The following NELL1 variants were observed in gnomAD, a reference collection of about 807,000 sequenced individuals.
The protein encoded by NELL1 is neural EGFL like 1, also known as protein kinase C-binding protein NELL1.
In NELL1, 76 loss-of-function variants were observed where a neutral mutation model predicts 107.4. The ratio of observed to expected loss-of-function variants is 0.71; its 90% confidence interval spans 0.59 to 0.86. NELL1 has a LOEUF of 0.86. Ranked by LOEUF, NELL1 falls within the 40% of genes least tolerant of loss-of-function variation. NELL1 has a pLI of 0.00. For synonymous variants in NELL1, 353 were observed against 341.2 expected, an observed-to-expected ratio of 1.03 and a Z score of -0.38; for missense variants, 1,024 against 1,005.5, an observed-to-expected ratio of 1.02 and a Z score of -0.25.
intron 6 of NELL1, 69 bp downstream of exon 6, chr11:20,918,323 G>A: frequency 3.0e-6 from 3 of 984,088 alleles, no homozygotes; most frequent in Non-Finnish European, 4.8e-6. Context: ...AACACATCTG[G>A]AAAGATAGAC....
At chr11:20,784,958 T>C (rs1226437299) in intron 3 of NELL1, among the ~76,000 whole-genome samples, 2 of 152,206 alleles carry the variant, frequency 1.3e-5, no homozygotes, top group Non-Finnish European at 2.9e-5. Flanking sequence ...AATTTCAAAA[T>C]TACATAAATG....
chr11:20,879,692 C>G (rs1849371730), intron 4 of NELL1, among the ~76,000 whole-genome samples: 1 of 152,036 alleles, frequency 6.6e-6, no homozygotes, highest in African/African-American at 2.4e-5. Flanking sequence ...TATTTCCAAT[C>G]TTATGTGAGT....
chr11:21,117,305 C>A (rs1312869823), intron 13 of NELL1, among the ~76,000 whole-genome samples: 4 of 151,936 alleles, frequency 2.6e-5, no homozygotes, highest in African/African-American at 9.7e-5. Context: ...ATAAATGATT[C>A]TTTTATCTGT....
At chr11:20,689,760 C>T (rs1307478851) in intron 2 of NELL1, among the ~76,000 whole-genome samples, 2 of 151,452 alleles carry the variant, frequency 1.3e-5, no homozygotes, top group Non-Finnish European at 2.9e-5. Flanking sequence ...GTGCGTGTGT[C>T]TTTATAGCAG....
chr11:21,093,770 A>T (rs1854575661), intron 12 of NELL1, among the ~76,000 whole-genome samples: 1 of 152,068 alleles, frequency 6.6e-6, no homozygotes, highest in African/African-American at 2.4e-5. Flanking sequence ...ATCTCATGAG[A>T]TTTATTCGCT....
intron 2 of NELL1, among the ~76,000 whole-genome samples, chr11:20,749,965 G>T (rs1856095761): frequency 6.6e-6 from 1 of 151,980 alleles, no homozygotes; most frequent in African/African-American, 2.4e-5. Flanking sequence ...TAAATATTTA[G>T]GAGTGGAATT....
In NELL1 at chr11:21,242,993, T is replaced by C. The variant is rs766997055; in HGVS notation, c.1549+13539T>C. ...CATATGACAGTTCCCTTCCTGTTGTTAGTGATCATTTTTCCCCCAACTTGG... is the reference window on the plus strand; with the variant it reads ...CATATGACAGTTCCCTTCCTGTTGTCAGTGATCATTTTTCCCCCAACTTGG... On this transcript the variant is annotated intron_variant, in intron 14 of 19. Transcript: ENST00000357134. Among the ~76,000 whole-genome samples, 3 of 152,260 alleles carry C rather than the reference T, an allele frequency of 2.0e-5. No homozygotes were observed. In the South Asian group the frequency reaches 6.2e-4, roughly 32 times the overall value.
intron 15 of NELL1, among the ~76,000 whole-genome samples, chr11:21,421,266 G>A (rs995427661): frequency 2.0e-5 from 3 of 152,114 alleles, no homozygotes; most frequent in African/African-American, 4.8e-5. Flanking sequence ...TCTTTCTGAC[G>A]TAACTATTTT....
rs555180502 is a variant in NELL1, at chr11:21,181,857, G to C, written c.1427-47475G>C. Among the ~76,000 whole-genome samples the C allele has an allele frequency of 1.1e-4, 17 of 151,972 alleles. No homozygotes were observed. The South Asian group carries it at 3.5e-3, about 31-fold the overall frequency. ...TCTACTAGTGTACTGAAGAAGACAT[G>C]CTGGCTTCTGAGTATATGTGGTTCA... On this transcript the variant is annotated intron_variant, in intron 13 of 19. Coordinates refer to ENST00000357134, the MANE Select transcript of NELL1 (RefSeq NM_006157.5).
chr11:21,259,912 A>G (rs1274638033), intron 14 of NELL1: 1 of 151,932 alleles, frequency 6.6e-6, no homozygotes, highest in African/African-American at 2.4e-5. Context: ...TATGTGAGCA[A>G]TAAATTTGAG....
At chr11:21,055,430 G>A (rs1565036063) in intron 12 of NELL1, among the ~76,000 whole-genome samples, 1 of 152,080 alleles carries the variant, frequency 6.6e-6, no homozygotes, top group East Asian at 1.9e-4. Context: ...ACGCTTTTAT[G>A]TGAACACAGT....
At chr11:21,560,504 T>G in intron 17 of NELL1, 122 bp downstream of exon 17, 1 of 824,478 alleles carries the variant, frequency 1.2e-6, no homozygotes, top group Non-Finnish European at 1.9e-6. Context: ...CTTCTCCTGT[T>G]CTTATCTACA....
intron 14 of NELL1, chr11:21,284,200 C>A (rs537567544): frequency 2.8e-4 from 126 of 456,466 alleles, no homozygotes; most frequent in South Asian, 1.9e-3. Flanking sequence ...TGCATACCAC[C>A]CTAGATCTCT....
At chr11:21,027,981 A>G (rs1852859139) in intron 12 of NELL1, among the ~76,000 whole-genome samples, 1 of 152,142 alleles carries the variant, frequency 6.6e-6, no homozygotes, top group Admixed American at 6.5e-5. Flanking sequence ...TCATGCACAC[A>G]TTTTATAAAA....
rs184086076 is a variant in NELL1, at chr11:20,700,703, C to T, written c.184+22643C>T. Among the ~76,000 whole-genome samples the T allele has an allele frequency of 2.5e-3, 386 of 152,140 alleles. 2 individuals carry two copies. The highest frequency in any genetic ancestry group is 8.8e-3 in the African/African-American group (364 of 41,484). On this transcript the variant is annotated intron_variant, in intron 2 of 19. Transcript: ENST00000357134. ...GCCCCAGTTTCTGATGTTCCCCACCCTGTGTCCAAGTGCTCTCATTGTTCA... is the reference window on the plus strand; with the variant it reads ...GCCCCAGTTTCTGATGTTCCCCACCTTGTGTCCAAGTGCTCTCATTGTTCA...
intron 13 of NELL1, among the ~76,000 whole-genome samples, chr11:21,194,002 G>A (rs897640186): frequency 3.3e-5 from 5 of 151,738 alleles, no homozygotes; most frequent in African/African-American, 1.2e-4. Context: ...TATTTCTGTT[G>A]AGCCAGATAA....
chr11:21,502,136 T>C (rs991778315), intron 15 of NELL1, among the ~76,000 whole-genome samples: 53 of 152,172 alleles, frequency 3.5e-4, no homozygotes, highest in African/African-American at 1.3e-3. Context: ...TTATAAATAA[T>C]GGAGGTAAAA....
At chr11:20,977,486 G>A (rs537199683) in intron 12 of NELL1, among the ~76,000 whole-genome samples, 3 of 152,076 alleles carry the variant, frequency 2.0e-5, no homozygotes, top group South Asian at 2.1e-4. Context: ...GGATGGTCTC[G>A]ATCTCCTGAC....
At chr11:21,337,803 TCTTTCTTG>T (rs1451501827) in intron 14 of NELL1, among the ~76,000 whole-genome samples, 1 of 85,856 alleles carries the variant, frequency 1.2e-5, no homozygotes, top group East Asian at 3.7e-4. Context: ...TTTCCTTCTT[TCTTTCTTG>T]CTTTCCTTCT....
Sources: gnomAD v4.1 joint callset for allele counts (sites outside exome capture counted in the v4.1 genomes callset) on GRCh38, gnomAD v4.1.1 for gene constraint, MANE v1.5 for transcripts, NCBI Gene and HGNC (gene_info 2026-07-23, HGNC 2026-07-21) for gene names.